NFIB: variants seen among roughly 807,000 people sequenced by gnomAD.
NFIB encodes nuclear factor I B, also known as nuclear factor 1 B-type.
NFIB carries 11 observed loss-of-function variants against 61.5 expected under a neutral mutation model. The observed-to-expected ratio is 0.18, with a 90% CI of 0.11 to 0.30. The LOEUF (loss-of-function observed/expected upper bound fraction) is 0.30. NFIB is among the 10% of genes least tolerant of loss of function. The pLI is 1.00. For synonymous variants in NFIB, 260 were observed against 216.5 expected, an observed-to-expected ratio of 1.20 and a Z score of -1.76; for missense variants, 471 against 608.9, an observed-to-expected ratio of 0.77 and a Z score of 2.38.
chr9:14,428,620 C>T, the NFIB span, among the ~76,000 whole-genome samples: 1 of 152,166 alleles, frequency 6.6e-6, no homozygotes. Context: ...GCTCCAGCCT[C>T]TACAGGATTT....
chr9:14,400,624 A>C (rs1341114254), upstream of NFIB, among the ~76,000 whole-genome samples: 1 of 148,552 alleles, frequency 6.7e-6, no homozygotes, highest in African/African-American at 2.6e-5. Flanking sequence ...TGCTTATCAC[A>C]TAATAACTAT....
the NFIB span, among the ~76,000 whole-genome samples, chr9:14,466,066 C>T: frequency 6.6e-6 from 1 of 152,066 alleles, no homozygotes; most frequent in Non-Finnish European, 1.5e-5. Context: ...CTGTGAGCGG[C>T]TTAGTGAGAA....
rs149427110 is a variant in NFIB, at chr9:14,138,381, G to A, written c.925+8308C>T. ...AAAAGGAGGCGAATAATCAGTGTAG[G>A]CTAAAAAGAAGGTGAAAATACAAAT... On this transcript the variant is annotated intron_variant, in intron 6 of 10. Transcript: ENST00000380953. 4.7e-3 allele frequency among the ~76,000 whole-genome samples: 711 copies of A among 152,114 alleles called. 5 individuals carry two copies. Among genetic ancestry groups the A allele is most frequent in the African/African-American group, 0.015 (614 of 41,534 alleles).
chr9:14,378,359 C>T lies in NFIB; in HGVS notation c.108+20165G>A, dbSNP rs561117499. ...AACTACTTTATTCTTTTCTTTCTTT[C>T]GTTCTTTTTTTGTTTTGAGATGGAG... On this transcript the variant is annotated intron_variant, in intron 1 of 8. Transcript: ENST00000380934. Among the ~76,000 whole-genome samples, 248 of 152,072 alleles carry T rather than the reference C, an allele frequency of 1.6e-3. 2 individuals are homozygous for T. Among genetic ancestry groups the T allele is most frequent in the Non-Finnish European group, 4.3e-4 (29 of 67,984 alleles).
chr9:14,111,665 T>C (rs1405414080), intron 10 of NFIB, among the ~76,000 whole-genome samples: 1 of 152,136 alleles, frequency 6.6e-6, no homozygotes, highest in East Asian at 1.9e-4. Context: ...ATAACAATTT[T>C]AGAGGTGAAA....
Position 14,085,075 on chromosome 9 carries a change from TGC to T in NFIB, c.*3232_*3233del, listed in dbSNP as rs1368023141. On this transcript the variant is annotated 3_prime_UTR_variant, in exon 11 of 11. Transcript: ENST00000380953. ...AAGAGCTTGGCTGAGATGATCTGTT[TGC>T]TACCAGGGCGAGTATCACAGAAATG... 1.3e-5 allele frequency: 3 copies of T among 228,794 alleles called. No homozygotes were observed. The highest frequency in any genetic ancestry group is 2.6e-5 in the Non-Finnish European group (3 of 115,276). 14.2% of individuals were successfully genotyped at this position (228,794 alleles called of 1,614,324 possible). A position where few individuals can be genotyped will look rare whatever the true frequency, so the allele number is the denominator to read the frequency against.
chr9:14,143,568 A>G (rs1053687918), intron 6 of NFIB, among the ~76,000 whole-genome samples: 1 of 152,214 alleles, frequency 6.6e-6, no homozygotes, highest in African/African-American at 2.4e-5. Flanking sequence ...GAAATAATTA[A>G]TAGTAAATTT....
chr9:14,150,350 C>T (rs1329102110), intron 4 of NFIB, 85 bp from the exon 5 acceptor site: 4 of 1,586,478 alleles, frequency 2.5e-6, no homozygotes, highest in East Asian at 2.2e-5. Flanking sequence ...ATCTTTCATG[C>T]CTCTGGTCAA....
chr9:14,491,111 C>A, the NFIB span, among the ~76,000 whole-genome samples: 721 of 152,194 alleles, frequency 4.7e-3, 4 homozygotes, highest in Middle Eastern at 0.02. Flanking sequence ...CACTTACCAA[C>A]GATATAATTT....
At chr9:14,140,047 TC>T (rs1262387576) in intron 6 of NFIB, among the ~76,000 whole-genome samples, 2 of 152,186 alleles carry the variant, frequency 1.3e-5, no homozygotes, top group Non-Finnish European at 2.9e-5. Context: ...TTCACATTCA[TC>T]CACCAAAAGC....
chr9:14,293,062 T>C lies in NFIB; in HGVS notation c.562+13927A>G, dbSNP rs116838974. 4.5e-3 allele frequency among the ~76,000 whole-genome samples: 684 copies of C among 152,336 alleles called. 6 individuals carry two copies. Among genetic ancestry groups the C allele is most frequent in the African/African-American group, 0.016 (647 of 41,570 alleles). On this transcript the variant is annotated intron_variant, in intron 2 of 10. Transcript: ENST00000380953. ...GTTTGTTTGTACTTTCCATGCAATA[T>C]GTAGATTAACCATGAAATTCTGTTT...
At chr9:14,416,500 T>A in the NFIB span, among the ~76,000 whole-genome samples, 1 of 145,802 alleles carries the variant, frequency 6.9e-6, no homozygotes, top group African/African-American at 2.6e-5. Context: ...GTGTCCTAGT[T>A]TTTAACAAAA....
the NFIB span, among the ~76,000 whole-genome samples, chr9:14,433,844 T>C: frequency 6.6e-6 from 1 of 152,220 alleles, no homozygotes; most frequent in Non-Finnish European, 1.5e-5. Flanking sequence ...TTCTGTTTTA[T>C]TGATTTTCAT....
chr9:14,450,655 C>G, the NFIB span, among the ~76,000 whole-genome samples: 2 of 152,164 alleles, frequency 1.3e-5, no homozygotes, highest in Non-Finnish European at 2.9e-5. Flanking sequence ...CCCCTCCCCC[C>G]GCACCACAAA....
chr9:14,225,690 G>C (rs920784416), intron 2 of NFIB, among the ~76,000 whole-genome samples: 1 of 151,944 alleles, frequency 6.6e-6, no homozygotes, highest in Non-Finnish European at 1.5e-5. Flanking sequence ...TTCCAGCATA[G>C]GCATGGGGCT....
intron 2 of NFIB, among the ~76,000 whole-genome samples, chr9:14,258,928 C>G (rs1273500853): frequency 6.6e-6 from 1 of 152,192 alleles, no homozygotes; most frequent in Non-Finnish European, 1.5e-5. Context: ...TTTCTAGGAT[C>G]TGGCTTCATT....
chr9:14,125,261 G>A (rs914733583), intron 7 of NFIB, among the ~76,000 whole-genome samples: 7 of 152,134 alleles, frequency 4.6e-5, no homozygotes, highest in Non-Finnish European at 8.8e-5. Context: ...AGGCTCAAGC[G>A]ATTCTCCTGC....
chr9:14,111,261 T>C (rs1315349856), intron 10 of NFIB, among the ~76,000 whole-genome samples: 2 of 152,186 alleles, frequency 1.3e-5, no homozygotes, highest in South Asian at 2.1e-4. Context: ...GTAATTCTTA[T>C]GTTAATGGAC....
At chr9:14,226,206 TG>T (rs1474263789) in intron 2 of NFIB, among the ~76,000 whole-genome samples, 1 of 152,136 alleles carries the variant, frequency 6.6e-6, no homozygotes, top group Non-Finnish European at 1.5e-5. Flanking sequence ...AAACAATATT[TG>T]GATAACTTTT....
Sources: gnomAD v4.1 joint callset for allele counts (sites outside exome capture counted in the v4.1 genomes callset) on GRCh38, gnomAD v4.1.1 for gene constraint, MANE v1.5 for transcripts, NCBI Gene and HGNC (gene_info 2026-07-23, HGNC 2026-07-21) for gene names.